Variants in NPR3 observed in about 807,000 individuals in gnomAD.
The protein encoded by NPR3 is atrial natriuretic peptide receptor 3.
A neutral mutation model predicts 54.5 loss-of-function variants in NPR3; 34 were observed. The ratio of observed to expected loss-of-function variants is 0.62; its 90% CI spans 0.47 to 0.83. The LOEUF is 0.83. Ranked by LOEUF, NPR3 falls within the 40% of genes least tolerant of loss-of-function variation. The pLI is 0.00. For missense variants in NPR3, 674 were observed against 720.8 expected, an observed-to-expected ratio of 0.94 and a Z score of 0.74; for synonymous variants, 289 against 297.1, an observed-to-expected ratio of 0.97 and a Z score of 0.28.
intron 3 of NPR3, among the ~76,000 whole-genome samples, chr5:32,756,358 G>A (rs1417269001): frequency 6.6e-6 from 1 of 152,218 alleles, no homozygotes; most frequent in African/African-American, 2.4e-5. Context: ...GGCCAGTGAT[G>A]ATGAGCATTT....
At chr5:32,732,241 C>G (rs1739498654) in intron 2 of NPR3, among the ~76,000 whole-genome samples, 1 of 115,394 alleles carries the variant, frequency 8.7e-6, no homozygotes, top group African/African-American at 3.7e-5. Flanking sequence ...GAGCGAGACT[C>G]CGTCTCAAAA....
intron 3 of NPR3, among the ~76,000 whole-genome samples, chr5:32,769,327 A>G (rs962841128): frequency 1.3e-5 from 2 of 152,232 alleles, no homozygotes; most frequent in Admixed American, 1.3e-4. Context: ...CTATGCACAC[A>G]GCACTCCCAG....
upstream of NPR3, among the ~76,000 whole-genome samples, chr5:32,707,155 A>G (rs958160667): frequency 6.6e-6 from 1 of 152,172 alleles, no homozygotes; most frequent in Non-Finnish European, 1.5e-5. Flanking sequence ...GCCTCAGAAC[A>G]TCTTCAAAGA....
At chr5:32,696,821 A>G (rs7704428) in intron 1 of NPR3, among the ~76,000 whole-genome samples, 56,366 of 152,008 alleles carry the variant, frequency 0.37, 10,844 homozygotes, top group Middle Eastern at 0.48. Flanking sequence ...ATATAGAAAT[A>G]CTACTGATTT....
At chr5:32,784,227 C>A (rs917504653) in intron 6 of NPR3, among the ~76,000 whole-genome samples, 1 of 152,300 alleles carries the variant, frequency 6.6e-6, no homozygotes, top group East Asian at 1.9e-4. Flanking sequence ...CTTGCTGTCT[C>A]ACCCAGACTC....
At chr5:32,762,358 G>A (rs1352238924) in intron 3 of NPR3, among the ~76,000 whole-genome samples, 1 of 151,446 alleles carries the variant, frequency 6.6e-6, no homozygotes, top group African/African-American at 2.4e-5. Flanking sequence ...AGATCCTTGA[G>A]GAATCACCAC....
chr5:32,779,442 T>C (rs1742225777), intron 4 of NPR3, among the ~76,000 whole-genome samples: 1 of 152,248 alleles, frequency 6.6e-6, no homozygotes, highest in Non-Finnish European at 1.5e-5. Flanking sequence ...GCCACCATTA[T>C]AGGCCAAAGC....
At chr5:32,753,285 T>C (rs1404963235) in intron 3 of NPR3, among the ~76,000 whole-genome samples, 1 of 152,042 alleles carries the variant, frequency 6.6e-6, no homozygotes, top group East Asian at 1.9e-4. Context: ...CAATGCAGCG[T>C]GGGAATATGT....
At chr5:32,721,971 G>A (rs1310831169) in intron 1 of NPR3, among the ~76,000 whole-genome samples, 1 of 152,008 alleles carries the variant, frequency 6.6e-6, no homozygotes, top group Non-Finnish European at 1.5e-5. Flanking sequence ...CCCATCTTAG[G>A]GGACCCAACC....
At chr5:32,720,319 G>C (rs1340844435) in intron 1 of NPR3, among the ~76,000 whole-genome samples, 1 of 152,194 alleles carries the variant, frequency 6.6e-6, no homozygotes, top group Non-Finnish European at 1.5e-5. Flanking sequence ...AGCACATTGA[G>C]AGATGAGAAA....
chr5:32,711,663 C>G lies in NPR3; in HGVS notation c.-114C>G, dbSNP rs1457048160. 3 of 1,291,298 alleles carry G rather than the reference C, an allele frequency of 2.3e-6. No individual in the cohort carries two copies. The highest frequency in any genetic ancestry group is 2.9e-6 in the Non-Finnish European group (3 of 1,023,570). The allele number at this position is 1,291,298 out of a possible 1,614,324, so 80.0% of individuals were successfully genotyped here. A position where few individuals can be genotyped will look rare whatever the true frequency, so the allele number is the denominator to read the frequency against. ...AAGGGGGTATTCTATTTTGTTAAAGCGCCCAAGGGGGCGCAGGGACCTTGG... is the reference window on the plus strand; with the variant it reads ...AAGGGGGTATTCTATTTTGTTAAAGGGCCCAAGGGGGCGCAGGGACCTTGG... On this transcript the variant is annotated 5_prime_UTR_variant, in exon 1 of 8. Coordinates refer to ENST00000265074, the MANE Select transcript of NPR3 (RefSeq NM_001204375.2).
At chr5:32,695,969 G>A (rs954781313) in intron 1 of NPR3, among the ~76,000 whole-genome samples, 6 of 151,908 alleles carry the variant, frequency 3.9e-5, no homozygotes, top group Non-Finnish European at 7.4e-5. Context: ...CCCATTTTAC[G>A]GGCTGCCTTC....
intron 1 of NPR3, among the ~76,000 whole-genome samples, chr5:32,723,430 G>C (rs1738971323): frequency 6.6e-6 from 1 of 152,152 alleles, no homozygotes. Context: ...GAACATGAGA[G>C]AGATACCTGG....
At chr5:32,779,968 G>T (rs749842942) in intron 4 of NPR3, among the ~76,000 whole-genome samples, 5 of 152,200 alleles carry the variant, frequency 3.3e-5, no homozygotes, top group African/African-American at 7.2e-5. Context: ...AGAGGGCTAA[G>T]TTCCTTGTCC....
chr5:32,713,435 G>T, intron 1 of NPR3: 1 of 985,438 alleles, frequency 1.0e-6, no homozygotes, highest in Non-Finnish European at 1.2e-6. Flanking sequence ...CCCATTTTAC[G>T]GTAGGGTAGA....
chr5:32,695,365 C>T (rs529100197), intron 1 of NPR3, among the ~76,000 whole-genome samples: 2 of 152,246 alleles, frequency 1.3e-5, no homozygotes, highest in Non-Finnish European at 2.9e-5. Context: ...GCTGGGTTCA[C>T]GCCATTCTCC....
chr5:32,742,486 A>G (rs1030129192), intron 3 of NPR3, among the ~76,000 whole-genome samples: 1 of 152,258 alleles, frequency 6.6e-6, no homozygotes, highest in African/African-American at 2.4e-5. Context: ...GTAATTTTTT[A>G]AAAATATAAT....
intron 3 of NPR3, among the ~76,000 whole-genome samples, chr5:32,762,465 G>GTTTTTTTTTTTTT (rs2112016959): frequency 6.8e-6 from 1 of 147,716 alleles, no homozygotes; most frequent in East Asian, 2.1e-4. Context: ...GTTGTTTCCT[G>GTTTTTTTTTTTTT]ATTTTTTAAT....
chr5:32,738,489 C>T (rs779115192), intron 2 of NPR3, among the ~76,000 whole-genome samples: 1 of 152,180 alleles, frequency 6.6e-6, no homozygotes, highest in Non-Finnish European at 1.5e-5. Context: ...CTTGATTCAC[C>T]TCCACAGTTG....
Sources: gnomAD v4.1 joint callset for allele counts (sites outside exome capture counted in the v4.1 genomes callset) on GRCh38, gnomAD v4.1.1 for gene constraint, MANE v1.5 for transcripts, NCBI Gene and HGNC (gene_info 2026-07-23, HGNC 2026-07-21) for gene names.